The following CDH18 variants were observed in gnomAD, a reference collection of about 807,000 sequenced individuals.
CDH18 encodes cadherin 18, also known as cadherin-18.
Under a neutral mutation model 67.9 loss-of-function variants are expected in CDH18, and 31 were observed. The observed-to-expected ratio is 0.46, with a 90% CI of 0.34 to 0.62. The LOEUF is 0.62. CDH18 is among the 20% of genes least tolerant of loss of function. The pLI is 0.01. For missense variants in CDH18, 890 were observed against 975.5 expected (o/e 0.91, Z 1.17); for synonymous variants, 362 against 347.2 (o/e 1.04, Z -0.48).
chr5:20,023,599 T>C (rs1027870597), intron 2 of CDH18, among the ~76,000 whole-genome samples: 7 of 141,886 alleles, frequency 4.9e-5, no homozygotes, highest in Admixed American at 7.5e-5. Context: ...GCGGAGTTTG[T>C]AGTTAGCCGA....
At chr5:20,492,487 A>C (rs1305674083) in intron 1 of CDH18, among the ~76,000 whole-genome samples, 1 of 152,186 alleles carries the variant, frequency 6.6e-6, no homozygotes, top group Non-Finnish European at 1.5e-5. Context: ...GGAATACTAA[A>C]ATCAAGAGTG....
intron 1 of CDH18, among the ~76,000 whole-genome samples, chr5:19,984,706 T>C (rs1799388885): frequency 6.6e-6 from 1 of 152,184 alleles, no homozygotes; most frequent in Non-Finnish European, 1.5e-5. Context: ...ACACCTATTA[T>C]CATCACCTTT....
chr5:20,393,430 G>C (rs1745028784), intron 1 of CDH18, among the ~76,000 whole-genome samples: 1 of 151,904 alleles, frequency 6.6e-6, no homozygotes, highest in South Asian at 2.1e-4. Context: ...TCTCACTGCT[G>C]GTATAGACGA....
chr5:19,849,717 TATATATATACACGCATATATATAAAC>T lies in CDH18; in HGVS notation c.-256-10501_-256-10476del, dbSNP rs1554049205. On this transcript the variant is annotated intron_variant, in intron 2 of 12. Transcript: ENST00000382275. The stretch of plus-strand genomic sequence containing the variant: ...ATATACACGCATATATATATAAACA[TATATATATACACGCATATATATAAAC>T]ATATATATACACGCATATATATAAA... Among the ~76,000 whole-genome samples the T allele has an allele frequency of 7.2e-3, 124 of 17,130 alleles. 15 individuals are homozygous for T. The highest frequency in any genetic ancestry group is 0.026 in the Non-Finnish European group (95 of 3,660). The allele number at this position is 17,130 out of a possible 152,430, so 11.2% of individuals were successfully genotyped here.
At chr5:19,698,569 A>C (rs1762827783) in intron 5 of CDH18, among the ~76,000 whole-genome samples, 1 of 152,116 alleles carries the variant, frequency 6.6e-6, no homozygotes, top group Admixed American at 6.6e-5. Flanking sequence ...AATCACAATA[A>C]GTTAAAAATT....
intron 2 of CDH18, among the ~76,000 whole-genome samples, chr5:20,090,870 A>AAT (rs1033776139): frequency 3.3e-5 from 5 of 151,684 alleles, no homozygotes; most frequent in South Asian, 2.1e-4. Context: ...GATTTACAAA[A>AAT]ATATATATAT....
intron 2 of CDH18, among the ~76,000 whole-genome samples, chr5:19,973,371 G>C (rs901471723): frequency 1.3e-5 from 2 of 152,092 alleles, no homozygotes; most frequent in African/African-American, 4.8e-5. Context: ...GTGGTTACCT[G>C]TGTATGGTAT....
rs1204988142 is a variant in CDH18 at position 19,651,083 on chromosome 5, C to A, written c.644-38482G>T. 2.0e-5 allele frequency among the ~76,000 whole-genome samples: 3 copies of A among 151,926 alleles called. No homozygotes were observed. The East Asian group carries it at 5.8e-4, about 29-fold the overall frequency. On this transcript the variant is annotated intron_variant, in intron 5 of 12. Coordinates refer to ENST00000382275, the MANE Select transcript of CDH18 (RefSeq NM_004934.5). ...TGTTTTAATATATTTTTCTAGCATA[C>A]CTAATAATAGTTTAGTAAATTAGCC...
chr5:20,223,185 C>CT (rs1408482349), intron 2 of CDH18, among the ~76,000 whole-genome samples: 4 of 152,156 alleles, frequency 2.6e-5, no homozygotes, highest in Middle Eastern at 6.8e-3. Context: ...CTGCCCAAGG[C>CT]CGTGGAAACC....
At chr5:20,035,876 T>G (rs1739817631) in intron 2 of CDH18, among the ~76,000 whole-genome samples, 1 of 152,052 alleles carries the variant, frequency 6.6e-6, no homozygotes, top group Admixed American at 6.6e-5. Flanking sequence ...ATTTGTTGTT[T>G]TTGTTCTTGT....
chr5:19,480,658 G>A (rs1397298129), intron 12 of CDH18, among the ~76,000 whole-genome samples: 2 of 152,252 alleles, frequency 1.3e-5, no homozygotes, highest in South Asian at 2.1e-4. Context: ...ATTATGGCAT[G>A]AGCCACCGCG....
At chr5:20,049,670 A>T (rs181803555) in intron 2 of CDH18, among the ~76,000 whole-genome samples, 1 of 151,902 alleles carries the variant, frequency 6.6e-6, no homozygotes, top group Admixed American at 6.6e-5. Flanking sequence ...GTAATATTTT[A>T]ATAGTCGTAA....
chr5:20,526,284 C>T (rs183550261), intron 1 of CDH18, among the ~76,000 whole-genome samples: 11 of 152,178 alleles, frequency 7.2e-5, no homozygotes, highest in African/African-American at 1.4e-4. Flanking sequence ...GAGCACCTAG[C>T]GGGGAGGGGC....
At chr5:20,280,020 A>G (rs1746124024) in intron 1 of CDH18, among the ~76,000 whole-genome samples, 1 of 152,186 alleles carries the variant, frequency 6.6e-6, no homozygotes, top group Non-Finnish European at 1.5e-5. Context: ...CATCAAAGTT[A>G]TTATCTGACT....
intron 2 of CDH18, among the ~76,000 whole-genome samples, chr5:19,917,005 T>A (rs1791871422): frequency 6.6e-6 from 1 of 152,186 alleles, no homozygotes; most frequent in South Asian, 2.1e-4. Context: ...CAATCTACAC[T>A]TCTTTAAATT....
At chr5:19,844,881 CA>C (rs1782748893) in intron 2 of CDH18, among the ~76,000 whole-genome samples, 1 of 152,132 alleles carries the variant, frequency 6.6e-6, no homozygotes, top group South Asian at 2.1e-4. Context: ...GATTTGTAAA[CA>C]CCCTCATCAA....
chr5:19,714,554 T>C (rs1765117557), intron 5 of CDH18, among the ~76,000 whole-genome samples: 1 of 151,976 alleles, frequency 6.6e-6, no homozygotes, highest in Admixed American at 6.6e-5. Context: ...TAATTTTTTT[T>C]CCAAGAGGAA....
At chr5:20,173,213 T>C (rs1736978441) in intron 2 of CDH18, among the ~76,000 whole-genome samples, 1 of 152,050 alleles carries the variant, frequency 6.6e-6, no homozygotes, top group Non-Finnish European at 1.5e-5. Flanking sequence ...CATTTATAAA[T>C]AGTAGGTAGC....
rs142879052 is a variant in CDH18 at position 19,775,467 on chromosome 5, G to A, written c.229-28231C>T. Among the ~76,000 whole-genome samples, 1,085 of 152,266 alleles carry A rather than the reference G, an allele frequency of 7.1e-3. 5 individuals are homozygous for A. Among genetic ancestry groups the A allele is most frequent in the African/African-American group, 0.014 (585 of 41,546 alleles). ...ATCTGCTTCTGTGGATGCATCAAGA[G>A]GTTTACAGTTGTTGCGGAAGGTGAG... On this transcript the variant is annotated intron_variant, in intron 3 of 12. Transcript: ENST00000382275.
Sources: gnomAD v4.1 joint callset for allele counts (sites outside exome capture counted in the v4.1 genomes callset) on GRCh38, gnomAD v4.1.1 for gene constraint, MANE v1.5 for transcripts, NCBI Gene and HGNC (gene_info 2026-07-23, HGNC 2026-07-21) for gene names.